The following RYR3 variants were observed in gnomAD, a reference collection of about 807,000 sequenced individuals.
RYR3 encodes brain ryanodine receptor-calcium release channel.
A neutral mutation model predicts 584.3 loss-of-function variants in RYR3; 207 were observed. The ratio of observed to expected loss-of-function variants is 0.35; its 90% CI spans 0.32 to 0.40. The LOEUF (loss-of-function observed/expected upper bound fraction) is 0.40, where lower values mean the gene tolerates loss of function less well. Among genes scored for constraint, RYR3 ranks in the 10% least tolerant of loss-of-function variants. The probability of loss-of-function intolerance (pLI) is 1.00; values close to 1 mark genes in which losing one functional copy is unlikely to be tolerated. For missense variants in RYR3, 5,616 were observed against 6,089.2 expected (o/e 0.92, Z 2.59); for synonymous variants, 2,416 against 2,248.5 (o/e 1.07, Z -2.11).
chr15:33,320,054 AAGCAAAACACATCTGC>A (rs1968746687), intron 1 of RYR3, among the ~76,000 whole-genome samples: 1 of 152,220 alleles, frequency 6.6e-6, no homozygotes, highest in African/African-American at 2.4e-5. Flanking sequence ...ACTGCCAGTC[AAGCAAAACACATCTGC>A]AGCAAGATTC....
intron 1 of RYR3, among the ~76,000 whole-genome samples, chr15:33,361,313 A>T (rs1286288269): frequency 6.6e-6 from 1 of 152,246 alleles, no homozygotes; most frequent in East Asian, 1.9e-4. Context: ...ATCCCTCAGC[A>T]GATTACAGCT....
chr15:33,574,970 G>A (rs1378467372), intron 12 of RYR3, among the ~76,000 whole-genome samples: 2 of 152,100 alleles, frequency 1.3e-5, no homozygotes, highest in Non-Finnish European at 1.5e-5. Flanking sequence ...AAAAGCAGGG[G>A]TTATAATCTT....
At chr15:33,800,908 C>G in intron 68 of RYR3, 51 bp downstream of exon 68, 2 of 1,275,318 alleles carry the variant, frequency 1.6e-6, no homozygotes, top group South Asian at 1.2e-5. Flanking sequence ...AAGCTGCAGA[C>G]CGTGGAAAAC....
chr15:33,816,738 C>T, intron 74 of RYR3, 124 bp from the exon 75 acceptor site: 1 of 600,424 alleles, frequency 1.7e-6, no homozygotes, highest in Non-Finnish European at 3.0e-6. Flanking sequence ...TACTGGCTAC[C>T]CTGACCAATC....
intron 60 of RYR3, among the ~76,000 whole-genome samples, chr15:33,763,776 C>A (rs1555447151): frequency 6.6e-6 from 1 of 151,498 alleles, no homozygotes; most frequent in African/African-American, 2.4e-5. Context: ...GCCTGTAATC[C>A]CAGCTTCTTG....
intron 69 of RYR3, among the ~76,000 whole-genome samples, chr15:33,805,121 A>G (rs907542906): frequency 2.6e-5 from 4 of 152,242 alleles, no homozygotes; most frequent in African/African-American, 9.6e-5. Context: ...AACTAAGCTG[A>G]GCAAGTGTTT....
At chr15:33,498,742 A>C (rs2051671914) in intron 2 of RYR3, among the ~76,000 whole-genome samples, 1 of 151,994 alleles carries the variant, frequency 6.6e-6, no homozygotes, top group Non-Finnish European at 1.5e-5. Context: ...TTATTCATAA[A>C]ATATTTGTCC....
chr15:33,553,964 ACATATTTGTTTTTTTCTAAC>A (rs2056878271), intron 10 of RYR3, among the ~76,000 whole-genome samples: 1 of 152,184 alleles, frequency 6.6e-6, no homozygotes, highest in African/African-American at 2.4e-5. Context: ...CAGTCTTGGA[ACATATTTGTTTTTTTCTAAC>A]CACCACCAAA....
chr15:33,832,229 G>A (rs1336688179), intron 86 of RYR3, among the ~76,000 whole-genome samples: 1 of 148,314 alleles, frequency 6.7e-6, no homozygotes, highest in Non-Finnish European at 1.5e-5. Flanking sequence ...GGGAGGCAGA[G>A]CTTGCTGTGA....
chr15:33,835,685 G>A (rs1487735088), intron 87 of RYR3, among the ~76,000 whole-genome samples: 1 of 152,206 alleles, frequency 6.6e-6, no homozygotes, highest in Non-Finnish European at 1.5e-5. Flanking sequence ...CTTAAATCAT[G>A]TGTATCTAAA....
intron 61 of RYR3, 56 bp downstream of exon 61, chr15:33,768,763 A>C (rs1463968545): frequency 1.3e-6 from 2 of 1,552,062 alleles, no homozygotes; most frequent in East Asian, 4.5e-5. Flanking sequence ...TTGAACTTGC[A>C]CTTTGCCTTT....
chr15:33,722,664 T>C, intron 43 of RYR3, 51 bp from the exon 44 acceptor site: 1 of 1,515,390 alleles, frequency 6.6e-7, no homozygotes, highest in Admixed American at 1.7e-5. Flanking sequence ...TAGAAATAAA[T>C]TCTGGGGTTG....
chr15:33,605,358 C>A (rs891521781), intron 18 of RYR3, among the ~76,000 whole-genome samples: 2 of 152,184 alleles, frequency 1.3e-5, no homozygotes, highest in Non-Finnish European at 2.9e-5. Flanking sequence ...CCCATCCTCT[C>A]CCTCATCCCT....
chr15:33,333,198 C>G (rs1970572376), intron 1 of RYR3, among the ~76,000 whole-genome samples: 1 of 152,048 alleles, frequency 6.6e-6, no homozygotes, highest in African/African-American at 2.4e-5. Flanking sequence ...GGACTCTTCC[C>G]TAACTCATTC....
In RYR3 at chr15:33,581,955, C is replaced by T. The variant is rs1025341000; in HGVS notation, c.1573+312C>T. On this transcript the variant is annotated intron_variant, in intron 14 of 103. Transcript: ENST00000634891. ...GACTAGAACACATTTATGATGTCTT[C>T]CAGTTTTAAACTTCTGCAAAGATAT... Among the ~76,000 whole-genome samples, 4 of 152,170 alleles carry T rather than the reference C, an allele frequency of 2.6e-5. No homozygotes were observed. The East Asian group carries it at 5.8e-4, about 22-fold the overall frequency.
chr15:33,779,829 C>T (rs998124741), intron 64 of RYR3, among the ~76,000 whole-genome samples: 1 of 133,262 alleles, frequency 7.5e-6, no homozygotes, highest in Non-Finnish European at 1.6e-5. Context: ...GGCGAAACCC[C>T]GTCTCTACTA....
chr15:33,864,210 T>G (rs1889581380), intron 103 of RYR3, 21 bp downstream of exon 103: 1 of 1,587,666 alleles, frequency 6.3e-7, no homozygotes. Flanking sequence ...AAGAATCATA[T>G]ACCCGTGTTA....
intron 64 of RYR3, among the ~76,000 whole-genome samples, chr15:33,778,563 G>A (rs138879478): frequency 1.3e-4 from 20 of 152,308 alleles, no homozygotes; most frequent in African/African-American, 3.4e-4. Flanking sequence ...AGAAATAATC[G>A]GGGAAGAGCA....
intron 2 of RYR3, among the ~76,000 whole-genome samples, chr15:33,491,356 A>G (rs1345479333): frequency 1.3e-5 from 2 of 152,238 alleles, no homozygotes; most frequent in Non-Finnish European, 2.9e-5. Flanking sequence ...GCAGCCAAAC[A>G]TGGCTTTCAT....
Sources: allele counts gnomAD v4.1 joint callset (sites outside exome capture counted in the v4.1 genomes callset), GRCh38; gene constraint gnomAD v4.1.1; transcripts MANE v1.5; gene names NCBI Gene and HGNC (gene_info 2026-07-23, HGNC 2026-07-21).